Variants in SRGAP3 observed in about 807,000 individuals in gnomAD.
SRGAP3 encodes the protein SLIT-ROBO Rho GTPase activating protein 3, also known as SLIT-ROBO Rho GTPase-activating protein 3.
A neutral mutation model predicts 121.1 loss-of-function variants in SRGAP3; 39 were observed. The observed-to-expected ratio is 0.32, with a 90% CI of 0.25 to 0.42. SRGAP3 has a LOEUF of 0.42. SRGAP3 is among the 10% of genes least tolerant of loss of function. SRGAP3 has a pLI of 1.00. For missense variants in SRGAP3, 1,213 were observed against 1,470.6 expected (o/e 0.82, Z 2.86); for synonymous variants, 601 against 570.0 (o/e 1.05, Z -0.77).
chr3:9,059,117 C>T (rs2125186744), intron 6 of SRGAP3: 1 of 153,954 alleles, frequency 6.5e-6, no homozygotes, highest in South Asian at 2.0e-4. Context: ...TGATGTTCTC[C>T]CCACTCAGAG....
Position 9,013,447 on chromosome 3 carries a change from GCC to G in SRGAP3, c.2006_2007del (p.Gly669AlafsTer12). The G allele has an allele frequency of 6.2e-7, 1 of 1,614,088 alleles. No individual in the cohort carries two copies. The highest frequency in any genetic ancestry group is 8.5e-7 in the Non-Finnish European group (1 of 1,180,006). ...TGTGCCTGGCAGGACACAGGGTCCT[GCC>G]CATCAGGGATGTGCATGAGGGTAGG... ...FGPTLMHIPDGQDPVSCQAHI... is the reference protein window; with the variant it reads ...FGPTLMHIPDXQDPVSCQAHI... On this transcript the variant is annotated frameshift_variant, in exon 17 of 22. Transcript: ENST00000383836. LOFTEE classifies it high-confidence loss of function.
At chr3:9,044,702 T>C (rs1945172615) in intron 10 of SRGAP3, among the ~76,000 whole-genome samples, 1 of 152,166 alleles carries the variant, frequency 6.6e-6, no homozygotes, top group Non-Finnish European at 1.5e-5. Flanking sequence ...AACGCTACCC[T>C]ACTCTTAGAA....
chr3:9,082,127 C>T (rs556320400), intron 3 of SRGAP3, among the ~76,000 whole-genome samples: 65 of 152,152 alleles, frequency 4.3e-4, no homozygotes, highest in Non-Finnish European at 7.6e-4. Flanking sequence ...GTGGCACCTG[C>T]GCCTCTCACT....
Position 9,034,170 on chromosome 3 carries a change from T to C in SRGAP3, c.1437-1418A>G, listed in dbSNP as rs555931671. ...TTATTTGCTCATTTCACCACACAAGTTGGCCTGACTCAATGGTGCCAGCCT... is the reference window on the plus strand; with the variant it reads ...TTATTTGCTCATTTCACCACACAAGCTGGCCTGACTCAATGGTGCCAGCCT... On this transcript the variant is annotated intron_variant, in intron 11 of 21. Transcript: ENST00000383836. The C allele has an allele frequency of 2.6e-5, 4 of 152,362 alleles. No individual in the cohort carries two copies. In the South Asian group the frequency reaches 8.3e-4, roughly 32 times the overall value. The allele number at this position is 152,362 out of a possible 1,614,324, so 9.4% of individuals were successfully genotyped here.
At chr3:9,202,530 C>T (rs1007927468) in intron 1 of SRGAP3, among the ~76,000 whole-genome samples, 1 of 152,246 alleles carries the variant, frequency 6.6e-6, no homozygotes, top group Non-Finnish European at 1.5e-5. Flanking sequence ...CAAAGACCTG[C>T]ACTCTAAAGT....
intron 1 of SRGAP3, among the ~76,000 whole-genome samples, chr3:9,184,307 C>A (rs1299572865): frequency 1.3e-5 from 2 of 152,120 alleles, no homozygotes; most frequent in African/African-American, 4.8e-5. Flanking sequence ...CACAGCACAG[C>A]AAGGGGATTA....
rs775233551 is a variant in SRGAP3 at position 9,058,517 on chromosome 3, T to G, written c.802-45A>C. ...GGAAGGTTATGGGTGACAGCCAGGA[T>G]GTGGAGGGGCGGTCACTGGCCACCA... is the stretch of plus-strand genomic sequence containing the variant. On this transcript the variant is annotated intron_variant, in intron 6 of 21. Transcript: ENST00000383836. The G allele has an allele frequency of 1.5e-5, 24 of 1,588,520 alleles. No homozygotes were observed. In the Admixed American group the frequency reaches 3.8e-4, roughly 25 times the overall value.
intron 2 of SRGAP3, among the ~76,000 whole-genome samples, chr3:9,116,874 T>C (rs1948824173): frequency 6.6e-6 from 1 of 152,236 alleles, no homozygotes; most frequent in South Asian, 2.1e-4. Flanking sequence ...CCTAGAAAGA[T>C]AAAGACAGCC....
At chr3:9,245,694 C>T (rs186206860) in intron 1 of SRGAP3, among the ~76,000 whole-genome samples, 98 of 152,208 alleles carry the variant, frequency 6.4e-4, no homozygotes, top group Middle Eastern at 3.4e-3. Context: ...GAGGCCAAGG[C>T]GGGTGGATCA....
chr3:8,998,468 G>A (rs972738951), intron 18 of SRGAP3, among the ~76,000 whole-genome samples: 1 of 151,926 alleles, frequency 6.6e-6, no homozygotes, highest in African/African-American at 2.4e-5. Flanking sequence ...TTCTCTTCAT[G>A]GCACTTATCA....
chr3:9,041,327 T>G (rs17049977), intron 10 of SRGAP3, among the ~76,000 whole-genome samples: 2,365 of 152,334 alleles, frequency 0.016, 49 homozygotes, highest in African/African-American at 0.053. Context: ...AGTATATGCC[T>G]CCGACCCAGG....
At chr3:9,147,353 C>G (rs944501158) in intron 1 of SRGAP3, among the ~76,000 whole-genome samples, 3 of 152,124 alleles carry the variant, frequency 2.0e-5, no homozygotes, top group Non-Finnish European at 4.4e-5. Context: ...ATACTCCAGT[C>G]AGATTCAAAA....
chr3:9,015,903 A>T, intron 14 of SRGAP3, 172 bp from the exon 15 acceptor site: 1 of 672,510 alleles, frequency 1.5e-6, no homozygotes, highest in Admixed American at 2.8e-5. Context: ...TCTCCCTGCA[A>T]CTTATTTGAA....
Position 9,124,842 on chromosome 3 carries a change from T to C in SRGAP3, c.143A>G (p.Asp48Gly). 1 of 1,613,768 alleles carries C rather than the reference T, an allele frequency of 6.2e-7. No homozygotes were observed. Reference protein sequence around the residue: ...QSESRLQLLQDLQEFFRRKAE... With the variant: ...QSESRLQLLQGLQEFFRRKAE... ...TTTCCGGCGGAAAAACTCCTGGAGGTCTTGAAGCAGCTGCAGTCGCGACTC... is the reference window on the plus strand; with the variant it reads ...TTTCCGGCGGAAAAACTCCTGGAGGCCTTGAAGCAGCTGCAGTCGCGACTC... The change falls in exon 2 of 22, where the codon GAC becomes GGC. Residue 48 changes from aspartate to glycine, a missense_variant. Coordinates refer to ENST00000383836, the MANE Select transcript of SRGAP3 (RefSeq NM_014850.4).
At chr3:9,309,354 T>C (rs1214405491) in intron 3 of SRGAP3, among the ~76,000 whole-genome samples, 2 of 152,198 alleles carry the variant, frequency 1.3e-5, no homozygotes, top group African/African-American at 4.8e-5. Flanking sequence ...CCTATTTCCC[T>C]GTAACCTTCA....
At chr3:9,176,465 C>T (rs1486836959) in intron 1 of SRGAP3, among the ~76,000 whole-genome samples, 1 of 152,162 alleles carries the variant, frequency 6.6e-6, no homozygotes, top group African/African-American at 2.4e-5. Flanking sequence ...GACAGTGTTC[C>T]TCAGATTTAT....
At chr3:9,276,704 C>A (rs984348583) in intron 3 of SRGAP3, among the ~76,000 whole-genome samples, 1 of 152,200 alleles carries the variant, frequency 6.6e-6, no homozygotes, top group Non-Finnish European at 1.5e-5. Flanking sequence ...GAATTACAGG[C>A]GTAAGCCACC....
At chr3:9,201,091 T>C (rs1952055140) in intron 1 of SRGAP3, among the ~76,000 whole-genome samples, 1 of 152,142 alleles carries the variant, frequency 6.6e-6, no homozygotes, top group African/African-American at 2.4e-5. Flanking sequence ...GATGGATATA[T>C]TCCCCATTCA....
chr3:9,171,707 T>C (rs1257919704), intron 1 of SRGAP3, among the ~76,000 whole-genome samples: 2 of 152,330 alleles, frequency 1.3e-5, no homozygotes, highest in South Asian at 2.1e-4. Flanking sequence ...AGGAACCAGA[T>C]AGCTAAAGTA....
Sources: allele counts gnomAD v4.1 joint callset (sites outside exome capture counted in the v4.1 genomes callset), GRCh38; gene constraint gnomAD v4.1.1; transcripts MANE v1.5; gene names NCBI Gene and HGNC (gene_info 2026-07-23, HGNC 2026-07-21).